Variants in LDB2 observed in about 807,000 individuals in gnomAD.
LDB2 encodes LIM domain-binding protein 2.
In LDB2, 12 loss-of-function variants were observed where a neutral mutation model predicts 44.3. The observed-to-expected ratio is 0.27, with a 90% confidence interval of 0.17 to 0.44. The LOEUF (loss-of-function observed/expected upper bound fraction) is 0.44. Among genes scored for constraint, LDB2 ranks in the 20% least tolerant of loss-of-function variants. The pLI, the probability that LDB2 is intolerant of heterozygous loss-of-function variation, is 1.00. For synonymous variants in LDB2, 164 were observed against 174.8 expected (o/e 0.94, Z 0.49); for missense variants, 344 against 473.5 (o/e 0.73, Z 2.54).
intron 2 of LDB2, among the ~76,000 whole-genome samples, chr4:16,713,635 A>G (rs1029621242): frequency 6.6e-6 from 1 of 152,160 alleles, no homozygotes; most frequent in South Asian, 2.1e-4. Flanking sequence ...TCTATGTTTT[A>G]TGTAGTAGAA....
chr4:16,861,765 C>G lies in LDB2; in HGVS notation c.132+36589G>C, dbSNP rs188484306. On this transcript the variant is annotated intron_variant, in intron 1 of 7. Coordinates refer to ENST00000304523, the MANE Select transcript of LDB2 (RefSeq NM_001290.5). ...CTAGCCATATGGTAGCAACAGACAG[C>G]CGCAGACAAACTACGCCTTGCCAGT... Among the ~76,000 whole-genome samples the G allele has an allele frequency of 2.8e-4, 42 of 152,308 alleles. No homozygotes were observed. In the East Asian group the frequency reaches 7.3e-3, roughly 27 times the overall value.
chr4:16,864,988 A>C (rs1355072882), intron 1 of LDB2, among the ~76,000 whole-genome samples: 2 of 151,624 alleles, frequency 1.3e-5, no homozygotes, highest in Non-Finnish European at 2.9e-5. Context: ...GCTCACACCT[A>C]TAATCCCAGC....
chr4:16,714,630 G>C (rs910209040), intron 2 of LDB2, among the ~76,000 whole-genome samples: 1 of 152,058 alleles, frequency 6.6e-6, no homozygotes, highest in Admixed American at 6.6e-5. Context: ...ATTACAAATG[G>C]GGTGACTTAA....
At chr4:16,763,999 A>G (rs1768599685) in intron 1 of LDB2, among the ~76,000 whole-genome samples, 1 of 152,214 alleles carries the variant, frequency 6.6e-6, no homozygotes, top group Non-Finnish European at 1.5e-5. Context: ...AACCCTTAAG[A>G]TATTCATAGA....
chr4:16,614,837 G>A (rs1341442545), intron 2 of LDB2, among the ~76,000 whole-genome samples: 2 of 151,180 alleles, frequency 1.3e-5, no homozygotes, highest in African/African-American at 2.4e-5. Context: ...TTGGGAGGCC[G>A]AGGCGGGCGG....
chr4:16,704,650 T>C (rs1428224278), intron 2 of LDB2, among the ~76,000 whole-genome samples: 1 of 152,212 alleles, frequency 6.6e-6, no homozygotes, highest in Non-Finnish European at 1.5e-5. Flanking sequence ...GGGCTGTTGG[T>C]TTAATGTCTG....
chr4:16,544,548 G>A (rs1283435343), intron 5 of LDB2, among the ~76,000 whole-genome samples: 1 of 152,202 alleles, frequency 6.6e-6, no homozygotes, highest in Non-Finnish European at 1.5e-5. Flanking sequence ...GGAAACAGCT[G>A]GAGGAGCCAT....
rs1265089192 is a variant in LDB2, at chr4:16,741,931, T to C, written c.235+17227A>G. Among the ~76,000 whole-genome samples, 3 of 152,332 alleles carry C rather than the reference T, an allele frequency of 2.0e-5. No homozygotes were observed. In the East Asian group the frequency reaches 5.8e-4, roughly 29 times the overall value. On this transcript the variant is annotated intron_variant, in intron 2 of 7. Transcript: ENST00000304523. Reference sequence around the variant, plus strand: ...CTTATGAGGTCAGGGGCTCTTGCTATCTTGTTTAATGGATCCCCAGAGGAA... The same window carrying C: ...CTTATGAGGTCAGGGGCTCTTGCTACCTTGTTTAATGGATCCCCAGAGGAA...
chr4:16,852,554 G>A (rs895349988), intron 1 of LDB2, among the ~76,000 whole-genome samples: 2 of 152,144 alleles, frequency 1.3e-5, no homozygotes, highest in Non-Finnish European at 1.5e-5. Flanking sequence ...CCATTGGTAT[G>A]AATCATCAGA....
At chr4:16,774,615 T>C (rs1771490005) in intron 1 of LDB2, among the ~76,000 whole-genome samples, 1 of 152,194 alleles carries the variant, frequency 6.6e-6, no homozygotes, top group Non-Finnish European at 1.5e-5. Flanking sequence ...TTATTATCCT[T>C]ATTTTACAGG....
At chr4:16,684,458 ATCG>A (rs1748727119) in intron 2 of LDB2, among the ~76,000 whole-genome samples, 1 of 152,248 alleles carries the variant, frequency 6.6e-6, no homozygotes, top group African/African-American at 2.4e-5. Flanking sequence ...TAGAATTCCA[ATCG>A]TCAAGAATTT....
At chr4:16,697,220 C>A (rs1003023456) in intron 2 of LDB2, among the ~76,000 whole-genome samples, 2 of 149,204 alleles carry the variant, frequency 1.3e-5, no homozygotes, top group Non-Finnish European at 3.0e-5. Context: ...ATCAGGAGAT[C>A]GAGACCATCC....
chr4:16,856,012 G>A (rs1029576365), intron 1 of LDB2, among the ~76,000 whole-genome samples: 1 of 152,064 alleles, frequency 6.6e-6, no homozygotes, highest in African/African-American at 2.4e-5. Flanking sequence ...TAGCAACAAA[G>A]AATATTTATA....
intron 1 of LDB2, among the ~76,000 whole-genome samples, chr4:16,860,853 C>T (rs973290766): frequency 1.3e-5 from 2 of 152,094 alleles, no homozygotes; most frequent in South Asian, 4.1e-4. Context: ...TAATTCTTTA[C>T]CACATGGGTC....
intron 2 of LDB2, among the ~76,000 whole-genome samples, chr4:16,647,284 A>C (rs1257057592): frequency 6.6e-6 from 1 of 152,184 alleles, no homozygotes; most frequent in Admixed American, 6.5e-5. Flanking sequence ...GGAAGAAAAT[A>C]AGAAGGTGAC....
At chr4:16,718,643 C>A (rs537922951) in intron 2 of LDB2, among the ~76,000 whole-genome samples, 2 of 152,230 alleles carry the variant, frequency 1.3e-5, no homozygotes, top group African/African-American at 4.8e-5. Flanking sequence ...GTGTCATGGT[C>A]AACAATTTGA....
At position 16,763,861 on chromosome 4, in the gene LDB2, C is replaced by T. The variant is rs181322585; in HGVS notation, c.133-4601G>A. On this transcript the variant is annotated intron_variant, in intron 1 of 7. Transcript: ENST00000304523. ...TCAGTCAACACATCTAATTTCTTTG[C>T]GTCTGTTTGCTTGTTGGGTAAGTGG... Among the ~76,000 whole-genome samples the T allele has an allele frequency of 1.1e-3, 172 of 151,742 alleles. 2 individuals carry two copies. Among genetic ancestry groups the T allele is most frequent in the Middle Eastern group, 6.8e-3 (2 of 294 alleles).
intron 1 of LDB2, among the ~76,000 whole-genome samples, chr4:16,808,451 C>T (rs191788075): frequency 1.3e-5 from 2 of 152,258 alleles, no homozygotes. Flanking sequence ...AAGTTTAGTG[C>T]AGTTGACTCC....
chr4:16,693,593 G>A (rs1235857530), intron 2 of LDB2, among the ~76,000 whole-genome samples: 1 of 152,110 alleles, frequency 6.6e-6, no homozygotes, highest in African/African-American at 2.4e-5. Flanking sequence ...CTGACCTCGT[G>A]ATCCCGGCCT....
Sources: gnomAD v4.1 joint callset for allele counts (sites outside exome capture counted in the v4.1 genomes callset) on GRCh38, gnomAD v4.1.1 for gene constraint, MANE v1.5 for transcripts, NCBI Gene and HGNC (gene_info 2026-07-23, HGNC 2026-07-21) for gene names.